Variants in AGPAT4 observed in about 807,000 individuals in gnomAD.
The protein encoded by AGPAT4 is 1-acyl-sn-glycerol-3-phosphate acyltransferase delta.
AGPAT4 carries 15 observed loss-of-function variants against 48.0 expected under a neutral mutation model. The observed-to-expected ratio is 0.31, with a 90% CI of 0.21 to 0.48. AGPAT4 has a LOEUF of 0.48. Among genes scored for constraint, AGPAT4 ranks in the 20% least tolerant of loss-of-function variants. The probability of loss-of-function intolerance (pLI) is 0.99; values close to 1 mark genes in which losing one functional copy is unlikely to be tolerated. For missense variants in AGPAT4, 314 were observed against 482.5 expected (o/e 0.65, Z 3.27); for synonymous variants, 178 against 198.7 (o/e 0.90, Z 0.88).
At chr6:161,187,107 T>C (rs949419847) in intron 2 of AGPAT4, among the ~76,000 whole-genome samples, 2 of 152,226 alleles carry the variant, frequency 1.3e-5, no homozygotes, top group South Asian at 2.1e-4. Context: ...AATAATATGA[T>C]AATCACTCAC....
chr6:161,268,405 G>A (rs1213055028), intron 1 of AGPAT4, among the ~76,000 whole-genome samples: 7 of 152,154 alleles, frequency 4.6e-5, no homozygotes, highest in African/African-American at 7.2e-5. Flanking sequence ...ATAGGTATGC[G>A]TGTGCCATGA....
At chr6:161,153,244 C>T in intron 5 of AGPAT4, 102 bp downstream of exon 5, 1 of 1,448,520 alleles carries the variant, frequency 6.9e-7, no homozygotes, top group African/African-American at 1.4e-5. Flanking sequence ...AGCCTCAAGT[C>T]AGCTGGGAAG....
At position 161,249,786 on chromosome 6, in the gene AGPAT4, C is replaced by T. The variant is rs1035527263; in HGVS notation, c.-89-17484G>A. ...AAGACCTAAAAACAGAAATATCATT[C>T]GACCCAGCAATCCCATTACTGGTTA... On this transcript the variant is annotated intron_variant, in intron 1 of 8. Coordinates refer to ENST00000320285, the MANE Select transcript of AGPAT4 (RefSeq NM_020133.3). The surrounding 1 kb of genome is among the most constrained non-coding windows in gnomAD (Gnocchi z 6.2). Among the ~76,000 whole-genome samples the T allele has an allele frequency of 2.0e-5, 3 of 152,118 alleles. No individual in the cohort carries two copies. The highest frequency in any genetic ancestry group is 2.9e-5 in the Non-Finnish European group (2 of 68,022).
intron 1 of AGPAT4, among the ~76,000 whole-genome samples, chr6:161,269,655 A>G (rs1783367640): frequency 6.6e-6 from 1 of 152,054 alleles, no homozygotes; most frequent in Admixed American, 6.6e-5. Flanking sequence ...CCCCCCAAAA[A>G]AAGTCATACC....
rs1415610536 is a variant in AGPAT4 at position 161,208,363 on chromosome 6, C to T, written c.178+23673G>A. Among the ~76,000 whole-genome samples the T allele has an allele frequency of 4.6e-5, 7 of 152,134 alleles. No individual in the cohort carries two copies. Among genetic ancestry groups the T allele is most frequent in the Admixed American group, 3.9e-4 (6 of 15,268 alleles). On this transcript the variant is annotated intron_variant, in intron 2 of 8. Transcript: ENST00000320285. This position sits in a 1 kb window ranked among gnomAD's most constrained non-coding sequence, Gnocchi z 4.6. ...TCTTTCTGGCTTTGGCAAGATCTCC[C>T]TTTTGTTCCCACCTTGAAGGCTTCT...
At chr6:161,271,123 A>G (rs1332411151) in intron 1 of AGPAT4, among the ~76,000 whole-genome samples, 2 of 152,160 alleles carry the variant, frequency 1.3e-5, no homozygotes, top group African/African-American at 2.4e-5. Context: ...TCCCCAATTT[A>G]CATCTACTTA....
rs1344726744 is a variant in AGPAT4 at position 161,140,984 on chromosome 6, GA to G, written c.844-1365del. 3.3e-5 allele frequency among the ~76,000 whole-genome samples: 5 copies of G among 152,184 alleles called. No individual in the cohort carries two copies. Among genetic ancestry groups the G allele is most frequent in the Admixed American group, 2.6e-4 (4 of 15,284 alleles). On this transcript the variant is annotated intron_variant, in intron 7 of 8. Transcript: ENST00000320285. This position sits in a 1 kb window ranked among gnomAD's most constrained non-coding sequence, Gnocchi z 6.5. ...CTGGAAAATGAGCTTCCTTATAATT[GA>G]AACTTATACTACTTAAATGCTGAAT...
rs75930347 is a variant in AGPAT4 at position 161,195,397 on chromosome 6, T to C, written c.179-28980A>G. Reference sequence around the variant, plus strand: ...CGGGTTATAAACACCTTTCATTATATGGCATGACCTGCAAGGAATGCTTCC... The same window carrying C: ...CGGGTTATAAACACCTTTCATTATACGGCATGACCTGCAAGGAATGCTTCC... On this transcript the variant is annotated intron_variant, in intron 2 of 8. Coordinates refer to ENST00000320285, the MANE Select transcript of AGPAT4 (RefSeq NM_020133.3). This position sits in a 1 kb window ranked among gnomAD's most constrained non-coding sequence, Gnocchi z 5.0. 5.9e-5 allele frequency among the ~76,000 whole-genome samples: 9 copies of C among 152,336 alleles called. 1 individual carries two copies. The highest frequency in any genetic ancestry group is 1.9e-4 in the African/African-American group (8 of 41,592).
At position 161,246,690 on chromosome 6, in the gene AGPAT4, C is replaced by G. The variant is rs1454988919; in HGVS notation, c.-89-14388G>C. Among the ~76,000 whole-genome samples the G allele has an allele frequency of 6.6e-6, 1 of 152,114 alleles. No individual in the cohort carries two copies. Among genetic ancestry groups the G allele is most frequent in the Non-Finnish European group, 1.5e-5 (1 of 68,036 alleles). The stretch of plus-strand genomic sequence containing the variant: ...TAGCACAGGGGATTCTTACAGAGCC[C>G]CTTGCTAGGTTTTAAGTGGTAAGTA... On this transcript the variant is annotated intron_variant, in intron 1 of 8. Coordinates refer to ENST00000320285, the MANE Select transcript of AGPAT4 (RefSeq NM_020133.3). This position sits in a 1 kb window ranked among gnomAD's most constrained non-coding sequence, Gnocchi z 5.5.
At chr6:161,179,052 TAACCATTGCCTGCTATTC>T (rs1456108317) in intron 2 of AGPAT4, among the ~76,000 whole-genome samples, 2 of 152,184 alleles carry the variant, frequency 1.3e-5, no homozygotes, top group Non-Finnish European at 2.9e-5. Context: ...GCTTGCTATT[TAACCATTGCCTGCTATTC>T]AACCATTGCC....
rs940507196 is a variant in AGPAT4 at position 161,164,592 on chromosome 6, A to G, written c.348+1656T>C. On this transcript the variant is annotated intron_variant, in intron 3 of 8. Coordinates refer to ENST00000320285, the MANE Select transcript of AGPAT4 (RefSeq NM_020133.3). This position sits in a 1 kb window ranked among gnomAD's most constrained non-coding sequence, Gnocchi z 7.4. ...CAGGGGAAAGAGCAGAAGCTTTGAA[A>G]GCAGACTTAGGAGCTATTGTCCTCG... Among the ~76,000 whole-genome samples, 1 of 152,218 alleles carries G rather than the reference A, an allele frequency of 6.6e-6. No individual in the cohort carries two copies. Among genetic ancestry groups the G allele is most frequent in the African/African-American group, 2.4e-5 (1 of 41,456 alleles).
rs981614362 is a variant in AGPAT4, at chr6:161,177,547, T to A, written c.179-11130A>T. The stretch of plus-strand genomic sequence containing the variant: ...TTATTCTAGTTAGCCATTCATCTAA[T>A]CTTTTTTTTCAAGGTTTTTAGCTTC... On this transcript the variant is annotated intron_variant, in intron 2 of 8. Coordinates refer to ENST00000320285, the MANE Select transcript of AGPAT4 (RefSeq NM_020133.3). This position sits in a 1 kb window ranked among gnomAD's most constrained non-coding sequence, Gnocchi z 5.0. Among the ~76,000 whole-genome samples, 3 of 152,174 alleles carry A rather than the reference T, an allele frequency of 2.0e-5. No homozygotes were observed. In the South Asian group the frequency reaches 6.3e-4, roughly 32 times the overall value.
Position 161,231,993 on chromosome 6 carries a change from C to T in AGPAT4, c.178+43G>A. The stretch of plus-strand genomic sequence containing the variant: ...TCAAGAGCCATAATTCTGATACACA[C>T]ATCCACAATGGAGACGAAAATATAG... On this transcript the variant is annotated intron_variant, in intron 2 of 8. Coordinates refer to ENST00000320285, the MANE Select transcript of AGPAT4 (RefSeq NM_020133.3). This position sits in a 1 kb window ranked among gnomAD's most constrained non-coding sequence, Gnocchi z 5.3. 1 of 1,583,952 alleles carries T rather than the reference C, an allele frequency of 6.3e-7. No individual in the cohort carries two copies. The highest frequency in any genetic ancestry group is 1.1e-5 in the South Asian group (1 of 88,524).
Position 161,200,003 on chromosome 6 carries a change from C to T in AGPAT4, c.178+32033G>A, listed in dbSNP as rs542124569. Among the ~76,000 whole-genome samples the T allele has an allele frequency of 2.8e-4, 43 of 152,300 alleles. No homozygotes were observed. The highest frequency in any genetic ancestry group is 2.7e-3 in the Admixed American group (41 of 15,304). On this transcript the variant is annotated intron_variant, in intron 2 of 8. Transcript: ENST00000320285. This position sits in a 1 kb window ranked among gnomAD's most constrained non-coding sequence, Gnocchi z 5.5. ...GTTCCTTAAAAGGCTCCCAGAGGCA[C>T]AGACTCCCTTAACACTGCCAGGGCA...
chr6:161,269,550 G>T (rs535982338), intron 1 of AGPAT4, among the ~76,000 whole-genome samples: 1 of 152,244 alleles, frequency 6.6e-6, no homozygotes, highest in Admixed American at 6.5e-5. Flanking sequence ...GGGGGCTGAG[G>T]CAGGAGGATG....
Position 161,222,510 on chromosome 6 carries a change from A to G in AGPAT4, c.178+9526T>C, listed in dbSNP as rs1000864949. 6.6e-6 allele frequency among the ~76,000 whole-genome samples: 1 copy of G among 152,152 alleles called. No homozygotes were observed. Among genetic ancestry groups the G allele is most frequent in the African/African-American group, 2.4e-5 (1 of 41,428 alleles). On this transcript the variant is annotated intron_variant, in intron 2 of 8. Coordinates refer to ENST00000320285, the MANE Select transcript of AGPAT4 (RefSeq NM_020133.3). This position sits in a 1 kb window ranked among gnomAD's most constrained non-coding sequence, Gnocchi z 5.9. ...ATTTTTACTTAATAATATTTAGGGTATAACGTGGTTCAAGGAAATAATGAC... is the reference window on the plus strand; with the variant it reads ...ATTTTTACTTAATAATATTTAGGGTGTAACGTGGTTCAAGGAAATAATGAC...
At position 161,249,444 on chromosome 6, in the gene AGPAT4, A is replaced by T. The variant is rs1482245410; in HGVS notation, c.-89-17142T>A. Among the ~76,000 whole-genome samples the T allele has an allele frequency of 1.3e-5, 2 of 152,236 alleles. No individual in the cohort carries two copies. The highest frequency in any genetic ancestry group is 2.9e-5 in the Non-Finnish European group (2 of 68,046). On this transcript the variant is annotated intron_variant, in intron 1 of 8. Transcript: ENST00000320285. This position sits in a 1 kb window ranked among gnomAD's most constrained non-coding sequence, Gnocchi z 6.2. ...GACAAAGGCCTAAAATCCAGCATCC[A>T]TAAGGAACTTAAATAAATTTACGAG...
rs1328733081 is a variant in AGPAT4 at position 161,262,628 on chromosome 6, T to C, written c.-90+11310A>G. On this transcript the variant is annotated intron_variant, in intron 1 of 8. Coordinates refer to ENST00000320285, the MANE Select transcript of AGPAT4 (RefSeq NM_020133.3). This position sits in a 1 kb window ranked among gnomAD's most constrained non-coding sequence, Gnocchi z 4.9. ...TCTTAGGGGCTGAGTTCTCCCCTTC[T>C]GACCCACTGCAAGCTCTACCCCACT... Among the ~76,000 whole-genome samples the C allele has an allele frequency of 6.6e-6, 1 of 152,212 alleles. No homozygotes were observed. Among genetic ancestry groups the C allele is most frequent in the Admixed American group, 6.5e-5 (1 of 15,286 alleles).
In AGPAT4 at chr6:161,223,637, T is replaced by C. The variant is rs1240409011; in HGVS notation, c.178+8399A>G. ...AGCTGTCCATTAATGAGTATGCTTC[T>C]CTTTTTATTCCATAGCCCCGTGGAG... On this transcript the variant is annotated intron_variant, in intron 2 of 8. Coordinates refer to ENST00000320285, the MANE Select transcript of AGPAT4 (RefSeq NM_020133.3). This position sits in a 1 kb window ranked among gnomAD's most constrained non-coding sequence, Gnocchi z 6.3. Among the ~76,000 whole-genome samples, 2 of 152,224 alleles carry C rather than the reference T, an allele frequency of 1.3e-5. No individual in the cohort carries two copies. The highest frequency in any genetic ancestry group is 2.1e-4 in the South Asian group (1 of 4,832).
Sources: gnomAD v4.1 joint callset for allele counts (sites outside exome capture counted in the v4.1 genomes callset) on GRCh38, gnomAD v4.1.1 for gene constraint, Gnocchi (gnomAD v3.1) non-coding constraint, MANE v1.5 for transcripts, NCBI Gene and HGNC (gene_info 2026-07-23, HGNC 2026-07-21) for gene names.